The following HDGFL3 variants were observed in gnomAD, a reference collection of about 807,000 sequenced individuals.
HDGFL3 encodes the protein hepatoma-derived growth factor-related protein 3.
HDGFL3 carries 6 observed loss-of-function variants against 27.6 expected under a neutral mutation model. The observed-to-expected ratio is 0.22, with a 90% CI of 0.12 to 0.43. HDGFL3 has a LOEUF of 0.43. Among genes scored for constraint, HDGFL3 ranks in the 20% least tolerant of loss-of-function variants. HDGFL3 has a pLI of 1.00. For missense variants in HDGFL3, 207 were observed against 250.1 expected (o/e 0.83, Z 1.16); for synonymous variants, 88 against 88.9 (o/e 0.99, Z 0.05).
intron 1 of HDGFL3, 49 bp from the exon 2 acceptor site, chr15:83,164,124 A>G (rs925796366): frequency 4.5e-6 from 5 of 1,120,908 alleles, no homozygotes; most frequent in Non-Finnish European, 6.5e-6. Context: ...CATAAATACA[A>G]TGTGAGCATT....
chr15:83,145,625 G>A (rs1464517138), intron 5 of HDGFL3, among the ~76,000 whole-genome samples: 1 of 152,044 alleles, frequency 6.6e-6, no homozygotes, highest in African/African-American at 2.4e-5. Context: ...TTGAATCTCA[G>A]TGTAAGCTAC....
At chr15:83,121,078 T>C (rs1253174044) in intron 3 of HDGFL3, among the ~76,000 whole-genome samples, 1 of 152,038 alleles carries the variant, frequency 6.6e-6, no homozygotes, top group Non-Finnish European at 1.5e-5. Flanking sequence ...GGAACTTTTT[T>C]TTTTTATTTT....
chr15:83,145,616 T>G (rs1334352960), intron 5 of HDGFL3, among the ~76,000 whole-genome samples: 1 of 152,142 alleles, frequency 6.6e-6, no homozygotes. Flanking sequence ...CTCCCAGTTT[T>G]GAATCTCAGT....
At position 83,139,252 on chromosome 15, in the gene HDGFL3, C is replaced by T; in HGVS notation, c.*18G>A. ...CCTTCTTGTGGTTTCTCTTAATATG[C>T]AGCATTCATTATGGTAGTTAGGTCT... On this transcript the variant is annotated 3_prime_UTR_variant, in exon 6 of 6. Coordinates refer to ENST00000299633, the MANE Select transcript of HDGFL3 (RefSeq NM_016073.4). The T allele has an allele frequency of 7.0e-7, 1 of 1,423,972 alleles. No individual in the cohort carries two copies. The highest frequency in any genetic ancestry group is 9.4e-7 in the Non-Finnish European group (1 of 1,068,370). The allele number at this position is 1,423,972 out of a possible 1,614,324, so 88.2% of individuals were successfully genotyped here. A position where few individuals can be genotyped will look rare whatever the true frequency, so the allele number is the denominator to read the frequency against.
chr15:83,178,052 A>G (rs2037334444), intron 1 of HDGFL3, among the ~76,000 whole-genome samples: 1 of 152,240 alleles, frequency 6.6e-6, no homozygotes, highest in East Asian at 1.9e-4. Flanking sequence ...ATGAAGGACA[A>G]AACCTGGATG....
At chr15:83,151,969 T>G (rs2036968980) in intron 4 of HDGFL3, among the ~76,000 whole-genome samples, 2 of 152,240 alleles carry the variant, frequency 1.3e-5, no homozygotes, top group Non-Finnish European at 2.9e-5. Context: ...ATCTTGCATT[T>G]GAAAACAAGA....
chr15:83,188,716 T>G (rs924830839), intron 1 of HDGFL3, among the ~76,000 whole-genome samples: 1 of 152,168 alleles, frequency 6.6e-6, no homozygotes, highest in African/African-American at 2.4e-5. Flanking sequence ...TCATAGCCCC[T>G]CTTCTCTTCT....
At chr15:83,190,035 A>C (rs1476342619) in intron 1 of HDGFL3, among the ~76,000 whole-genome samples, 1 of 151,918 alleles carries the variant, frequency 6.6e-6, no homozygotes, top group Non-Finnish European at 1.5e-5. Flanking sequence ...GTGAGACCTC[A>C]TCTCTACAAA....
Position 83,179,722 on chromosome 15 carries a change from AT to A in HDGFL3, c.85-15648del, listed in dbSNP as rs1454079008. 16 of 152,220 alleles carry A rather than the reference AT, an allele frequency of 1.1e-4. No homozygotes were observed. The South Asian group carries it at 3.1e-3, about 30-fold the overall frequency. The allele number at this position is 152,220 out of a possible 1,614,324, so 9.4% of individuals were successfully genotyped here. A position where few individuals can be genotyped will look rare whatever the true frequency, so the allele number is the denominator to read the frequency against. ...ATTTTCTATTCCCTTATTCTGATGGATTTTTATTTTTAGCATTTCTCTAATA... is the reference window on the plus strand; with the variant it reads ...ATTTTCTATTCCCTTATTCTGATGGATTTTATTTTTAGCATTTCTCTAATA... On this transcript the variant is annotated intron_variant, in intron 1 of 5. Transcript: ENST00000299633.
intron 1 of HDGFL3, among the ~76,000 whole-genome samples, chr15:83,176,862 A>G (rs745817268): frequency 6.6e-6 from 1 of 150,974 alleles, no homozygotes; most frequent in Admixed American, 6.6e-5. Flanking sequence ...CTTAAAAAAA[A>G]AAAGTACAAA....
chr15:83,200,060 AAG>A (rs1555456394), intron 1 of HDGFL3, among the ~76,000 whole-genome samples: 2 of 137,964 alleles, frequency 1.4e-5, no homozygotes, highest in African/African-American at 2.7e-5. Flanking sequence ...AAAAAAAAAA[AAG>A]GCCAGGTGTG....
chr15:83,184,496 A>G (rs1249687381), intron 1 of HDGFL3, among the ~76,000 whole-genome samples: 2 of 152,174 alleles, frequency 1.3e-5, no homozygotes, highest in African/African-American at 2.4e-5. Flanking sequence ...AACACTATCA[A>G]AACAACTTAT....
At chr15:83,122,045 C>G (rs760511780) in intron 3 of HDGFL3, 1 of 1,460,520 alleles carries the variant, frequency 6.8e-7, no homozygotes, top group East Asian at 2.3e-5. Flanking sequence ...TTTTCTAAAA[C>G]AATGGGGCTT....
chr15:83,187,013 T>C lies in HDGFL3; in HGVS notation c.84+20318A>G, dbSNP rs999708269. Among the ~76,000 whole-genome samples the C allele has an allele frequency of 2.0e-5, 3 of 152,226 alleles. No homozygotes were observed. The South Asian group carries it at 6.2e-4, about 31-fold the overall frequency. ...AGGAGAAAAAAAATGGTGATGAATA[T>C]ATCCCAAATTAGCATTTTACTTTAA... is the stretch of plus-strand genomic sequence containing the variant. On this transcript the variant is annotated intron_variant, in intron 1 of 5. Transcript: ENST00000299633.
chr15:83,174,242 C>T (rs978203432), intron 1 of HDGFL3, among the ~76,000 whole-genome samples: 1 of 152,058 alleles, frequency 6.6e-6, no homozygotes, highest in South Asian at 2.1e-4. Flanking sequence ...TAATTATTGT[C>T]ATACTCTGAT....
At chr15:83,116,654 G>T (rs1390832529) in intron 3 of HDGFL3, among the ~76,000 whole-genome samples, 1 of 152,226 alleles carries the variant, frequency 6.6e-6, no homozygotes, top group East Asian at 1.9e-4. Flanking sequence ...TTGCAGGGAA[G>T]GGTCCGTGCC....
At chr15:83,151,955 C>G (rs1422595807) in intron 4 of HDGFL3, among the ~76,000 whole-genome samples, 1 of 152,176 alleles carries the variant, frequency 6.6e-6, no homozygotes. Flanking sequence ...CCTTTTTCCT[C>G]GTCATCTTGC....
intron 1 of HDGFL3, among the ~76,000 whole-genome samples, chr15:83,203,450 A>C (rs2151423927): frequency 6.6e-6 from 1 of 152,110 alleles, no homozygotes; most frequent in Admixed American, 6.5e-5. Flanking sequence ...AGGATTATGG[A>C]ATATCTACTT....
intron 2 of HDGFL3, 160 bp downstream of exon 2, chr15:83,163,839 G>C: frequency 3.4e-6 from 2 of 584,230 alleles, no homozygotes; most frequent in Non-Finnish European, 6.1e-6. Flanking sequence ...CTTCTATCAT[G>C]AAAACTATTT....
Sources: allele counts gnomAD v4.1 joint callset (sites outside exome capture counted in the v4.1 genomes callset), GRCh38; gene constraint gnomAD v4.1.1; transcripts MANE v1.5; gene names NCBI Gene and HGNC (gene_info 2026-07-23, HGNC 2026-07-21).